Variants in IQSEC1 observed in about 807,000 individuals in gnomAD.
The protein encoded by IQSEC1 is IQ motif and SEC7 domain-containing protein 1.
IQSEC1 carries 31 observed loss-of-function variants against 91.0 expected under a neutral mutation model. That is an observed-to-expected ratio of 0.34 (90% CI 0.26 to 0.46). The LOEUF (loss-of-function observed/expected upper bound fraction) is 0.46. Ranked by LOEUF, IQSEC1 falls within the 20% of genes least tolerant of loss-of-function variation. IQSEC1 has a pLI of 1.00. For missense variants in IQSEC1, 1,388 were observed against 1,575.6 expected (o/e 0.88, Z 2.02); for synonymous variants, 699 against 662.6 (o/e 1.05, Z -0.84).
chr3:12,980,188 C>T (rs1701385088), intron 1 of IQSEC1, among the ~76,000 whole-genome samples: 1 of 152,200 alleles, frequency 6.6e-6, no homozygotes, highest in South Asian at 2.1e-4. Context: ...CCCTCTTAGT[C>T]CATAGGAAAC....
chr3:13,022,365 T>C, intron 1 of IQSEC1: 1 of 1,163,748 alleles, frequency 8.6e-7, no homozygotes, highest in East Asian at 3.9e-5. Context: ...CTCCAGACCC[T>C]CCTGGCCAAG....
chr3:13,011,274 G>T (rs17775004), intron 1 of IQSEC1, among the ~76,000 whole-genome samples: 1 of 152,040 alleles, frequency 6.6e-6, no homozygotes, highest in African/African-American at 2.4e-5. Context: ...GAACCAAACC[G>T]TTTCCCATTT....
upstream of IQSEC1, among the ~76,000 whole-genome samples, chr3:13,078,266 T>A (rs1177726181): frequency 6.6e-6 from 1 of 152,110 alleles, no homozygotes; most frequent in Non-Finnish European, 1.5e-5. Flanking sequence ...CTCAGGAGCC[T>A]GTGAGAGGCC....
intron 1 of IQSEC1, among the ~76,000 whole-genome samples, chr3:13,047,937 C>T (rs1704559924): frequency 6.6e-6 from 1 of 152,180 alleles, no homozygotes; most frequent in African/African-American, 2.4e-5. Context: ...TTGGGCCCAC[C>T]CAGCCTCCAT....
intron 1 of IQSEC1, among the ~76,000 whole-genome samples, chr3:13,019,440 C>T (rs544670540): frequency 3.3e-5 from 5 of 152,336 alleles, no homozygotes; most frequent in Non-Finnish European, 5.9e-5. Flanking sequence ...ATGCGCTGTC[C>T]GATCGCAACC....
At chr3:12,906,448 T>A (rs1178783114) in intron 12 of IQSEC1, among the ~76,000 whole-genome samples, 2 of 152,330 alleles carry the variant, frequency 1.3e-5, no homozygotes, top group African/African-American at 4.8e-5. Flanking sequence ...AGGTGGCCTC[T>A]CCCCAGCCTG....
At position 13,207,513 on chromosome 3, in the gene IQSEC1, C is replaced by T. The variant is rs562750259; in HGVS notation, c.273-43380G>A. 3.3e-5 allele frequency among the ~76,000 whole-genome samples: 5 copies of T among 152,320 alleles called. No homozygotes were observed. In the South Asian group the frequency reaches 1.0e-3, roughly 32 times the overall value. ...ACTCTGGCAATGTCACCACCCACTG[C>T]CAACGTGCCAGTGGGTTCCCTTCGT... On this transcript the variant is annotated intron_variant, in intron 1 of 15. Coordinates refer to the IQSEC1 transcript ENST00000648114. This position sits in a 1 kb window ranked among gnomAD's most constrained non-coding sequence, Gnocchi z 4.8.
rs1694512344 is a variant in IQSEC1, at chr3:13,214,754, C to T, written c.273-50621G>A. Reference sequence around the variant, plus strand: ...GGTCTCAGCTGGGCACCATGCCTGACCATGCAGCTGGTTTTCTGACCTTCC... The same window carrying T: ...GGTCTCAGCTGGGCACCATGCCTGATCATGCAGCTGGTTTTCTGACCTTCC... On this transcript the variant is annotated intron_variant, in intron 1 of 15. Coordinates refer to the IQSEC1 transcript ENST00000648114. This position sits in a 1 kb window ranked among gnomAD's most constrained non-coding sequence, Gnocchi z 4.5. 6.6e-6 allele frequency among the ~76,000 whole-genome samples: 1 copy of T among 152,362 alleles called. No homozygotes were observed. Among genetic ancestry groups the T allele is most frequent in the South Asian group, 2.1e-4 (1 of 4,832 alleles).
chr3:12,917,972 C>G (rs1303779860), intron 6 of IQSEC1, among the ~76,000 whole-genome samples: 1 of 152,210 alleles, frequency 6.6e-6, no homozygotes, highest in Non-Finnish European at 1.5e-5. Context: ...TGACCCACTC[C>G]AGAGAGGATG....
At chr3:13,072,201 A>G (rs906152059) in intron 1 of IQSEC1, among the ~76,000 whole-genome samples, 3 of 152,232 alleles carry the variant, frequency 2.0e-5, no homozygotes, top group Non-Finnish European at 2.9e-5. Flanking sequence ...TAGTTTAGGC[A>G]GGTGGAGACC....
intron 1 of IQSEC1, among the ~76,000 whole-genome samples, chr3:12,956,853 C>T (rs1699940695): frequency 6.6e-6 from 1 of 152,210 alleles, no homozygotes; most frequent in Admixed American, 6.5e-5. Context: ...CTCTGGGCTT[C>T]TGTGGTCTCA....
At chr3:13,072,843 C>T in intron 1 of IQSEC1, 149 bp downstream of exon 1, 3 of 677,202 alleles carry the variant, frequency 4.4e-6, no homozygotes. Flanking sequence ...GGCCGAGCGC[C>T]GGCATCCCTG....
intron 2 of IQSEC1, among the ~76,000 whole-genome samples, chr3:13,110,044 G>A (rs924197087): frequency 6.6e-6 from 1 of 151,348 alleles, no homozygotes; most frequent in Non-Finnish European, 1.5e-5. Flanking sequence ...CACCACACCC[G>A]GCTAGTTTTT....
chr3:13,249,213 C>T (rs1184861328), intron 1 of IQSEC1, among the ~76,000 whole-genome samples: 1 of 147,570 alleles, frequency 6.8e-6, no homozygotes, highest in East Asian at 2.0e-4. Flanking sequence ...GCTCTGTCAC[C>T]CAGGCTGGAG....
intron 1 of IQSEC1, among the ~76,000 whole-genome samples, chr3:13,173,462 G>A (rs1364204028): frequency 6.6e-6 from 1 of 152,212 alleles, no homozygotes; most frequent in Non-Finnish European, 1.5e-5. Context: ...CCGGCCCAGA[G>A]CAGACTTGGC....
chr3:13,186,444 A>G (rs1386148276), intron 1 of IQSEC1, among the ~76,000 whole-genome samples: 3 of 152,210 alleles, frequency 2.0e-5, no homozygotes, highest in African/African-American at 7.2e-5. Context: ...CCACACCTGG[A>G]AAGAAGTCGG....
At chr3:13,054,760 G>A (rs368239514) in intron 1 of IQSEC1, among the ~76,000 whole-genome samples, 85 of 152,334 alleles carry the variant, frequency 5.6e-4, no homozygotes, top group African/African-American at 2.0e-3. Flanking sequence ...CATGATCCCC[G>A]AGGGGGGAGG....
At chr3:13,022,538 G>A in intron 1 of IQSEC1, 2 of 871,094 alleles carry the variant, frequency 2.3e-6, no homozygotes, top group Non-Finnish European at 2.8e-6. Flanking sequence ...GAGCCCAGGG[G>A]CTGGCCCTGC....
At chr3:12,945,773 A>T (rs1196288730) in intron 1 of IQSEC1, among the ~76,000 whole-genome samples, 1 of 152,196 alleles carries the variant, frequency 6.6e-6, no homozygotes, top group Non-Finnish European at 1.5e-5. Context: ...GGCTTTTCTG[A>T]GTTTATCTGA....
Sources: gnomAD v4.1 joint callset for allele counts (sites outside exome capture counted in the v4.1 genomes callset) on GRCh38, gnomAD v4.1.1 for gene constraint, Gnocchi (gnomAD v3.1) non-coding constraint, MANE v1.5 for transcripts, NCBI Gene and HGNC (gene_info 2026-07-23, HGNC 2026-07-21) for gene names.